The following RPS6KC1 variants were observed in gnomAD, a reference collection of about 807,000 sequenced individuals.
RPS6KC1 encodes ribosomal protein S6 kinase C1, also known as inactive ribosomal protein S6 kinase delta-1.
Under a neutral mutation model 103.8 loss-of-function variants are expected in RPS6KC1, and 54 were observed. That is an observed-to-expected ratio of 0.52 (90% CI 0.42 to 0.65). The LOEUF (loss-of-function observed/expected upper bound fraction) is 0.65, where lower values mean the gene tolerates loss of function less well. RPS6KC1 is among the 30% of genes least tolerant of loss of function. The pLI, the probability that RPS6KC1 is intolerant of heterozygous loss-of-function variation, is 0.00. For synonymous variants in RPS6KC1, 439 were observed against 438.7 expected (o/e 1.00, Z -0.01); for missense variants, 1,151 against 1,253.8 (o/e 0.92, Z 1.24).
chr1:213,078,787 A>G (rs2079590070), intron 3 of RPS6KC1, among the ~76,000 whole-genome samples: 1 of 152,200 alleles, frequency 6.6e-6, no homozygotes, highest in Non-Finnish European at 1.5e-5. Flanking sequence ...TATTTTTCAA[A>G]CTAGACAATT....
chr1:213,248,303 T>C (rs371420274), intron 12 of RPS6KC1, among the ~76,000 whole-genome samples: 1 of 152,174 alleles, frequency 6.6e-6, no homozygotes, highest in South Asian at 2.1e-4. Flanking sequence ...TTTCAGACAG[T>C]AACTGTTTTA....
At chr1:213,748,710 G>A in the RPS6KC1 span, among the ~76,000 whole-genome samples, 1 of 152,198 alleles carries the variant, frequency 6.6e-6, no homozygotes, top group Non-Finnish European at 1.5e-5. Context: ...GGCAATACTA[G>A]AGCAATGTCT....
Position 213,137,040 on chromosome 1 carries a change from G to A in RPS6KC1, c.835+7151G>A, listed in dbSNP as rs545873798. Among the ~76,000 whole-genome samples the A allele has an allele frequency of 5.9e-5, 9 of 152,184 alleles. No homozygotes were observed. The South Asian group carries it at 1.9e-3, about 32-fold the overall frequency. ...CATTCCTTACAAGGGCAGGGTTCCA[G>A]TTTTGAGAGCCTGCTTTCTGTTGTT... is the stretch of plus-strand genomic sequence containing the variant. On this transcript the variant is annotated intron_variant, in intron 6 of 14. Transcript: ENST00000366960.
chr1:213,105,497 A>G (rs2082403832), intron 4 of RPS6KC1, among the ~76,000 whole-genome samples: 1 of 152,058 alleles, frequency 6.6e-6, no homozygotes, highest in Admixed American at 6.5e-5. Context: ...GTGGATCTAC[A>G]CAGATTATTT....
In RPS6KC1 at chr1:213,064,219, G is replaced by C. The variant is rs1047632699; in HGVS notation, c.106-6787G>C. Among the ~76,000 whole-genome samples, 6 of 152,114 alleles carry C rather than the reference G, an allele frequency of 3.9e-5. No individual in the cohort carries two copies. In the South Asian group the frequency reaches 1.2e-3, roughly 32 times the overall value. On this transcript the variant is annotated intron_variant, in intron 1 of 14. Coordinates refer to ENST00000366960, the MANE Select transcript of RPS6KC1 (RefSeq NM_012424.6). ...CTACAGGCACATGCCACCACACCCG[G>C]CTCATTTTTGTATTTTTGGTAGAGG...
the RPS6KC1 span, among the ~76,000 whole-genome samples, chr1:213,743,178 C>T: frequency 6.6e-6 from 1 of 151,688 alleles, no homozygotes; most frequent in African/African-American, 2.4e-5. Flanking sequence ...AAATGTGGTA[C>T]ATCTACACAT....
the RPS6KC1 span, among the ~76,000 whole-genome samples, chr1:213,772,600 A>AC: frequency 1.9e-5 from 1 of 52,932 alleles, no homozygotes; most frequent in East Asian, 1.1e-3. Context: ...CCCACCCCCC[A>AC]CCAGTGTCCC....
chr1:213,298,837 T>TC, the RPS6KC1 span, among the ~76,000 whole-genome samples: 1 of 152,282 alleles, frequency 6.6e-6, no homozygotes, highest in East Asian at 1.9e-4. Context: ...CCAGCATGAT[T>TC]CCCCCCTGTT....
the RPS6KC1 span, among the ~76,000 whole-genome samples, chr1:213,661,477 G>C: frequency 6.6e-6 from 1 of 152,182 alleles, no homozygotes; most frequent in Admixed American, 6.5e-5. Flanking sequence ...CAGTTGACGA[G>C]CATCTTGCCA....
chr1:213,171,015 T>C (rs1219645684), intron 7 of RPS6KC1, among the ~76,000 whole-genome samples: 2 of 152,214 alleles, frequency 1.3e-5, no homozygotes, highest in South Asian at 2.1e-4. Context: ...GGAACCCTTT[T>C]TGGCTTTTTA....
chr1:213,666,644 C>T, the RPS6KC1 span, among the ~76,000 whole-genome samples: 1 of 152,154 alleles, frequency 6.6e-6, no homozygotes, highest in East Asian at 1.9e-4. Flanking sequence ...TTCCAAAGGG[C>T]ATTTTTCTAA....
chr1:213,356,696 G>A, the RPS6KC1 span, among the ~76,000 whole-genome samples: 13 of 152,230 alleles, frequency 8.5e-5, no homozygotes, highest in Admixed American at 2.0e-4. Flanking sequence ...CCCAGATAAC[G>A]TCATAGACAT....
the RPS6KC1 span, among the ~76,000 whole-genome samples, chr1:213,746,651 T>C: frequency 4.6e-5 from 7 of 152,094 alleles, no homozygotes; most frequent in Middle Eastern, 6.8e-3. Flanking sequence ...GTATTGAGAA[T>C]AGAGAGCAAG....
At chr1:213,105,459 AGT>A (rs2082398375) in intron 4 of RPS6KC1, among the ~76,000 whole-genome samples, 1 of 151,856 alleles carries the variant, frequency 6.6e-6, no homozygotes, top group Non-Finnish European at 1.5e-5. Flanking sequence ...ATGTATGAAT[AGT>A]GAGATATTTA....
chr1:213,201,629 C>T (rs2093167191), intron 8 of RPS6KC1, among the ~76,000 whole-genome samples: 1 of 152,200 alleles, frequency 6.6e-6, no homozygotes, highest in Non-Finnish European at 1.5e-5. Context: ...AGTTGCAACA[C>T]ATGTGCCACT....
At chr1:213,294,234 A>G in the RPS6KC1 span, among the ~76,000 whole-genome samples, 1 of 152,210 alleles carries the variant, frequency 6.6e-6, no homozygotes, top group African/African-American at 2.4e-5. Flanking sequence ...AAGAGGAAGA[A>G]TTGATCTTGT....
chr1:213,434,815 C>G, the RPS6KC1 span, among the ~76,000 whole-genome samples: 1 of 151,678 alleles, frequency 6.6e-6, no homozygotes, highest in African/African-American at 2.4e-5. Context: ...TTAAGATTTT[C>G]TCAGTCACTG....
the RPS6KC1 span, among the ~76,000 whole-genome samples, chr1:213,817,376 T>C: frequency 6.6e-6 from 1 of 152,204 alleles, no homozygotes; most frequent in Non-Finnish European, 1.5e-5. Flanking sequence ...ATATTATAAT[T>C]AAGGTTTTAC....
intron 6 of RPS6KC1, among the ~76,000 whole-genome samples, 159 bp from the exon 7 acceptor site, chr1:213,167,699 C>T (rs1205317522): frequency 6.6e-6 from 1 of 152,100 alleles, no homozygotes; most frequent in Non-Finnish European, 1.5e-5. Context: ...AATAGTTAGA[C>T]TTGGTTGATA....
Sources: allele counts gnomAD v4.1 joint callset (sites outside exome capture counted in the v4.1 genomes callset), GRCh38; gene constraint gnomAD v4.1.1; transcripts MANE v1.5; gene names NCBI Gene and HGNC (gene_info 2026-07-23, HGNC 2026-07-21).